Variants in ESRRG observed in about 807,000 individuals in gnomAD.
ESRRG encodes the protein estrogen-related receptor gamma.
ESRRG carries 13 observed loss-of-function variants against 44.0 expected under a neutral mutation model. The observed-to-expected ratio is 0.30, with a 90% CI of 0.19 to 0.47. The LOEUF (loss-of-function observed/expected upper bound fraction) is 0.47. Among genes scored for constraint, ESRRG ranks in the 20% least tolerant of loss-of-function variants. ESRRG has a pLI of 1.00. For synonymous variants in ESRRG, 215 were observed against 214.6 expected (o/e 1.00, Z -0.02); for missense variants, 395 against 580.6 (o/e 0.68, Z 3.29).
chr1:216,895,619 A>T (rs1030491328), intron 2 of ESRRG, among the ~76,000 whole-genome samples: 1 of 152,174 alleles, frequency 6.6e-6, no homozygotes, highest in African/African-American at 2.4e-5. Context: ...TATTATTCAC[A>T]ACTCTGGAAA....
intron 2 of ESRRG, among the ~76,000 whole-genome samples, chr1:216,673,307 A>G (rs2075540298): frequency 6.6e-6 from 1 of 152,214 alleles, no homozygotes; most frequent in Non-Finnish European, 1.5e-5. Context: ...TAATTATTAC[A>G]TTATACTTTC....
chr1:216,599,097 G>A (rs2058837113), intron 3 of ESRRG, among the ~76,000 whole-genome samples: 1 of 152,126 alleles, frequency 6.6e-6, no homozygotes, highest in African/African-American at 2.4e-5. Flanking sequence ...AAATCAGATT[G>A]CAAAGTGTCA....
chr1:216,615,728 TTC>T (rs1221997606), intron 3 of ESRRG, among the ~76,000 whole-genome samples: 41 of 124,276 alleles, frequency 3.3e-4, no homozygotes, highest in African/African-American at 1.4e-3. Flanking sequence ...CCTTGCCTAT[TTC>T]TCTCTCTTTT....
intron 2 of ESRRG, among the ~76,000 whole-genome samples, chr1:216,745,329 GGTTTGTTT>G (rs113164216): frequency 1.3e-5 from 2 of 151,378 alleles, no homozygotes; most frequent in African/African-American, 2.4e-5. Flanking sequence ...ACACCTATGT[GGTTTGTTT>G]GTTTGTTTGT....
chr1:217,033,746 C>A (rs1196112485), intron 1 of ESRRG, among the ~76,000 whole-genome samples: 1 of 152,126 alleles, frequency 6.6e-6, no homozygotes. Context: ...GACCTAGTAA[C>A]CCTCTGCTGT....
chr1:216,568,122 C>A, intron 3 of ESRRG, 24 bp from the exon 4 acceptor site: 2 of 1,522,678 alleles, frequency 1.3e-6, no homozygotes, highest in Non-Finnish European at 1.8e-6. Context: ...CAGGCACCGG[C>A]TTACTATTAA....
intron 1 of ESRRG, among the ~76,000 whole-genome samples, chr1:217,054,484 G>A (rs17045089): frequency 0.053 from 8,098 of 152,232 alleles, 395 homozygotes; most frequent in African/African-American, 0.13. Flanking sequence ...CGACTCAAAA[G>A]AAAGGACAAA....
rs187624034 is a variant in ESRRG, at chr1:216,783,531, A to C, written c.-13-106040T>G. ...AATCACATTTTCTGATTGCAACTTT[A>C]GTTTCTGTTGTGCATTTATAAATAT... On this transcript the variant is annotated intron_variant, in intron 2 of 7. Coordinates refer to the ESRRG transcript ENST00000359162. Among the ~76,000 whole-genome samples, 4 of 152,134 alleles carry C rather than the reference A, an allele frequency of 2.6e-5. No individual in the cohort carries two copies. In the East Asian group the frequency reaches 7.7e-4, roughly 29 times the overall value.
intron 3 of ESRRG, among the ~76,000 whole-genome samples, chr1:216,624,976 G>A (rs773872040): frequency 6.6e-6 from 1 of 152,050 alleles, no homozygotes; most frequent in Non-Finnish European, 1.5e-5. Flanking sequence ...TAATTGAGTT[G>A]TCTTACGTTG....
intron 1 of ESRRG, among the ~76,000 whole-genome samples, chr1:216,969,592 T>C (rs541466332): frequency 1.3e-5 from 2 of 152,272 alleles, no homozygotes; most frequent in East Asian, 3.9e-4. Context: ...AGAAATTTTC[T>C]TTCCTTTTTT....
chr1:217,008,137 C>A (rs1049727771), intron 1 of ESRRG, among the ~76,000 whole-genome samples: 1 of 152,216 alleles, frequency 6.6e-6, no homozygotes, highest in African/African-American at 2.4e-5. Flanking sequence ...AAAATCTTCA[C>A]CACTGCAAAC....
At chr1:216,892,030 C>A (rs968386250) in intron 2 of ESRRG, among the ~76,000 whole-genome samples, 4 of 152,094 alleles carry the variant, frequency 2.6e-5, no homozygotes, top group African/African-American at 9.7e-5. Context: ...TGGTCTCGAA[C>A]TCCTGACCTT....
Position 216,745,152 on chromosome 1 carries a change from TTTTGTTTG to T in ESRRG, c.-13-67669_-13-67662del, listed in dbSNP as rs550674868. On this transcript the variant is annotated intron_variant, in intron 2 of 7. Transcript: ENST00000359162. The stretch of plus-strand genomic sequence containing the variant: ...GCTTGTCTTTCATCCTTTTTTTGTT[TTTTGTTTG>T]TTTGTTTGTTTGTTTTTAAGTCGAG... Among the ~76,000 whole-genome samples, 13 of 152,160 alleles carry T rather than the reference TTTTGTTTG, an allele frequency of 8.5e-5. No individual in the cohort carries two copies. In the East Asian group the frequency reaches 2.3e-3, roughly 27 times the overall value.
intron 2 of ESRRG, among the ~76,000 whole-genome samples, chr1:216,854,636 T>C (rs927822113): frequency 6.6e-6 from 1 of 152,172 alleles, no homozygotes; most frequent in East Asian, 1.9e-4. Flanking sequence ...GAAATGATCA[T>C]GTCTATATGG....
At chr1:216,933,894 T>A (rs1380512336) in intron 2 of ESRRG, among the ~76,000 whole-genome samples, 2 of 152,056 alleles carry the variant, frequency 1.3e-5, no homozygotes, top group Admixed American at 6.6e-5. Flanking sequence ...TGCTCCCCCA[T>A]CTTCCCTCCA....
At chr1:216,761,271 C>T (rs578102410) in intron 2 of ESRRG, among the ~76,000 whole-genome samples, 1 of 151,600 alleles carries the variant, frequency 6.6e-6, no homozygotes, top group Admixed American at 6.6e-5. Context: ...AACTCTAGAT[C>T]TTCTAGAGTC....
In ESRRG at chr1:216,505,333, C is replaced by T. The variant is rs552391494; in HGVS notation, c.*1606G>A. On this transcript the variant is annotated 3_prime_UTR_variant, in exon 7 of 7. Coordinates refer to ENST00000408911, the MANE Select transcript of ESRRG (RefSeq NM_001438.4). ...TGCTGTGACAATACTGGTTGAAAAGCACATATATTGGCTTAGCTCTTGGTA... is the reference window on the plus strand; with the variant it reads ...TGCTGTGACAATACTGGTTGAAAAGTACATATATTGGCTTAGCTCTTGGTA... The T allele has an allele frequency of 2.6e-4, 39 of 152,670 alleles. No individual in the cohort carries two copies. The highest frequency in any genetic ancestry group is 5.9e-4 in the Admixed American group (9 of 15,298). The allele number at this position is 152,670 out of a possible 1,614,324, so 9.5% of individuals were successfully genotyped here. A position where few individuals can be genotyped will look rare whatever the true frequency, so the allele number is the denominator to read the frequency against.
At chr1:216,840,636 A>G (rs895902811) in intron 2 of ESRRG, among the ~76,000 whole-genome samples, 5 of 152,138 alleles carry the variant, frequency 3.3e-5, no homozygotes, top group Non-Finnish European at 7.3e-5. Flanking sequence ...TTTTGATTTC[A>G]AGTGAGAAGT....
intron 3 of ESRRG, among the ~76,000 whole-genome samples, chr1:216,578,791 A>C (rs1266542826): frequency 6.6e-6 from 1 of 152,092 alleles, no homozygotes; most frequent in African/African-American, 2.4e-5. Flanking sequence ...AAAGCACAAA[A>C]GATTCAGAGC....
Sources: gnomAD v4.1 joint callset for allele counts (sites outside exome capture counted in the v4.1 genomes callset) on GRCh38, gnomAD v4.1.1 for gene constraint, MANE v1.5 for transcripts, NCBI Gene and HGNC (gene_info 2026-07-23, HGNC 2026-07-21) for gene names.